SOD2: variants seen among roughly 807,000 people sequenced by gnomAD.
SOD2 encodes the protein superoxide dismutase 2.
SOD2 carries 11 observed loss-of-function variants against 27.0 expected under a neutral mutation model. The observed-to-expected ratio is 0.41, with a 90% confidence interval of 0.26 to 0.67. The LOEUF (loss-of-function observed/expected upper bound fraction) is 0.67, where lower values mean the gene tolerates loss of function less well. Ranked by LOEUF, SOD2 falls within the 30% of genes least tolerant of loss-of-function variation. The pLI is 0.34. For synonymous variants in SOD2, 105 were observed against 103.0 expected (o/e 1.02, Z -0.12); for missense variants, 250 against 274.5 (o/e 0.91, Z 0.63).
upstream of SOD2, among the ~76,000 whole-genome samples, chr6:159,746,102 C>T (rs1257958309): frequency 6.6e-6 from 1 of 152,190 alleles, no homozygotes; most frequent in Non-Finnish European, 1.5e-5. Context: ...AAAACAAAGG[C>T]ATACATAAAG....
chr6:159,736,876 T>A lies in SOD2; in HGVS notation c.-116+8254A>T, dbSNP rs117617813. On this transcript the variant is annotated intron_variant, in intron 1 of 3. Coordinates refer to the SOD2 transcript ENST00000537657. ...CTGTTATAAAAGAGGTAACATCGTC[T>A]CTAGGAGGAATTTGTGATTCAATTG... Among the ~76,000 whole-genome samples the A allele has an allele frequency of 1.6e-4, 25 of 152,288 alleles. No homozygotes were observed. The South Asian group carries it at 3.7e-3, about 23-fold the overall frequency.
intron 1 of SOD2, chr6:159,736,408 C>A: frequency 1.2e-6 from 1 of 851,810 alleles, no homozygotes; most frequent in South Asian, 1.6e-5. Flanking sequence ...GCTTATTTTT[C>A]ATTTCTTTGC....
chr6:159,757,633 G>A (rs9457718), intron 1 of SOD2, among the ~76,000 whole-genome samples: 30,147 of 151,824 alleles, frequency 0.2, 3,125 homozygotes, highest in East Asian at 0.4. Flanking sequence ...GGCTGGTCTC[G>A]AACTCCTGAC....
At chr6:159,713,377 G>T in intron 1 of SOD2, 1 of 651,550 alleles carries the variant, frequency 1.5e-6, no homozygotes, top group Non-Finnish European at 2.8e-6. Context: ...ACTGGGACCT[G>T]GCCACTGCAC....
intron 1 of SOD2, among the ~76,000 whole-genome samples, chr6:159,758,829 C>CCTGGCTTG (rs1316356725): frequency 6.6e-6 from 1 of 152,152 alleles, no homozygotes; most frequent in Non-Finnish European, 1.5e-5. Context: ...GTAGCAAAGA[C>CCTGGCTTG]CTGGCTTGGA....
chr6:159,739,175 T>C, intron 1 of SOD2: 1 of 694,046 alleles, frequency 1.4e-6, no homozygotes, highest in Non-Finnish European at 2.3e-6. Flanking sequence ...AATGTACTTT[T>C]TGAGCATACT....
intron 1 of SOD2, chr6:159,713,797 A>G (rs773922488): frequency 9.0e-6 from 9 of 1,005,140 alleles, no homozygotes; most frequent in Non-Finnish European, 1.4e-5. Context: ...ATTTCGCTTC[A>G]TCTGCAGATT....
At chr6:159,687,810 C>G (rs1780261615) in intron 3 of SOD2, among the ~76,000 whole-genome samples, 1 of 152,050 alleles carries the variant, frequency 6.6e-6, no homozygotes, top group African/African-American at 2.4e-5. Flanking sequence ...AGTTCAAGAC[C>G]AGCCTGGCCA....
At chr6:159,705,952 G>T in intron 1 of SOD2, among the ~76,000 whole-genome samples, 1 of 152,160 alleles carries the variant, frequency 6.6e-6, no homozygotes, top group East Asian at 1.9e-4. Context: ...AAGAGAGTGG[G>T]GGCCAATATT....
At chr6:159,754,533 GTATCCA>G (rs545276494) in intron 1 of SOD2, among the ~76,000 whole-genome samples, 113 of 152,238 alleles carry the variant, frequency 7.4e-4, no homozygotes, top group African/African-American at 2.6e-3. Flanking sequence ...GTTGCCCTCG[GTATCCA>G]TGGTGGATTG....
upstream of SOD2, chr6:159,748,924 A>T (rs1377715779): frequency 1.7e-6 from 2 of 1,150,622 alleles, no homozygotes; most frequent in East Asian, 8.3e-5. This position sits in a 1 kb window ranked among gnomAD's most constrained non-coding sequence, Gnocchi z 5.6. Flanking sequence ...CTGGGTCAAA[A>T]CTCAAATGAG....
intron 1 of SOD2, among the ~76,000 whole-genome samples, chr6:159,754,847 C>T (rs9457717): frequency 0.2 from 30,190 of 151,914 alleles, 3,136 homozygotes; most frequent in East Asian, 0.4. Flanking sequence ...TCTGACTTCC[C>T]CCAAAACAAA....
At chr6:159,714,359 C>T (rs1170510454) in intron 1 of SOD2, among the ~76,000 whole-genome samples, 3 of 152,184 alleles carry the variant, frequency 2.0e-5, no homozygotes, top group Non-Finnish European at 1.5e-5. Flanking sequence ...ATATTACATA[C>T]GGATTCTTCC....
At chr6:159,707,897 G>A (rs1037383844) in intron 1 of SOD2, among the ~76,000 whole-genome samples, 101 of 152,128 alleles carry the variant, frequency 6.6e-4, no homozygotes, top group African/African-American at 2.1e-3. Context: ...GAATCCAGCA[G>A]CACATCCAAA....
upstream of SOD2, among the ~76,000 whole-genome samples, chr6:159,694,853 C>T (rs1395984682): frequency 6.6e-6 from 1 of 151,946 alleles, no homozygotes; most frequent in East Asian, 1.9e-4. Context: ...ATCTGCCCGC[C>T]TCGGCCTTCC....
intron 1 of SOD2, chr6:159,754,933 C>T (rs967535041): frequency 1.4e-5 from 18 of 1,252,220 alleles, no homozygotes; most frequent in Middle Eastern, 2.4e-4. Flanking sequence ...TTTACTTGAG[C>T]GTTTATTGAC....
At chr6:159,712,194 T>A (rs879127086) in intron 1 of SOD2, among the ~76,000 whole-genome samples, 1 of 71,130 alleles carries the variant, frequency 1.4e-5, no homozygotes, top group Non-Finnish European at 3.0e-5. Context: ...ACCACCCACA[T>A]TGCTCTGATC....
Position 159,726,915 on chromosome 6 carries a change from G to A in SOD2, c.-116+214C>T, listed in dbSNP as rs183439882. The A allele has an allele frequency of 6.8e-5, 87 of 1,288,884 alleles. No homozygotes were observed. The African/African-American group carries it at 1.3e-3, about 19-fold the overall frequency. 79.8% of individuals were successfully genotyped at this position (1,288,884 alleles called of 1,614,324 possible). On this transcript the variant is annotated intron_variant, in intron 1 of 2. Transcript: ENST00000401980. ...CGCCCACGGCCTCTCTCTTGAGGTG[G>A]CACCTGGTCCTCCGACACGCGGAAG...
intron 1 of SOD2, among the ~76,000 whole-genome samples, chr6:159,753,094 C>T (rs532985601): frequency 1.3e-5 from 2 of 152,198 alleles, no homozygotes; most frequent in Admixed American, 6.5e-5. Context: ...TCTGATAAAG[C>T]GCTAGATTCC....
Sources: allele counts gnomAD v4.1 joint callset (sites outside exome capture counted in the v4.1 genomes callset), GRCh38; gene constraint gnomAD v4.1.1; non-coding constraint Gnocchi (gnomAD v3.1); transcripts MANE v1.5; gene names NCBI Gene and HGNC (gene_info 2026-07-23, HGNC 2026-07-21).